The following PRKN variants were observed in gnomAD, a reference collection of about 807,000 sequenced individuals.
The protein encoded by PRKN is parkin RBR E3 ubiquitin protein ligase, also known as E3 ubiquitin-protein ligase parkin.
In PRKN, 56 loss-of-function variants were observed where a neutral mutation model predicts 59.5. That is an observed-to-expected ratio of 0.94 (90% CI 0.76 to 1.18). PRKN has a LOEUF of 1.18. PRKN is among the 50% of genes most tolerant of loss of function. PRKN has a pLI of 0.00. For missense variants in PRKN, 657 were observed against 596.4 expected (o/e 1.10, Z -1.06); for synonymous variants, 250 against 222.1 (o/e 1.13, Z -1.12).
chr6:161,574,077 T>C (rs1474056831), intron 7 of PRKN, among the ~76,000 whole-genome samples: 1 of 151,768 alleles, frequency 6.6e-6, no homozygotes, highest in Non-Finnish European at 1.5e-5. Flanking sequence ...CAAACAAGAC[T>C]AGACACAGCA....
chr6:161,770,548 A>T (rs1583137524), intron 7 of PRKN, among the ~76,000 whole-genome samples: 1 of 151,420 alleles, frequency 6.6e-6, no homozygotes, highest in Admixed American at 6.6e-5. Context: ...GCTCACTGTA[A>T]CCTCCGCTTC....
chr6:161,366,523 G>GC (rs1174881834), intron 10 of PRKN, among the ~76,000 whole-genome samples: 1 of 152,182 alleles, frequency 6.6e-6, no homozygotes, highest in African/African-American at 2.4e-5. Context: ...ACTAAGTATG[G>GC]CCTAAGAAGG....
At chr6:161,766,555 A>T (rs919829120) in intron 7 of PRKN, among the ~76,000 whole-genome samples, 1 of 151,852 alleles carries the variant, frequency 6.6e-6, no homozygotes, top group African/African-American at 2.4e-5. Context: ...TGATCCTCCC[A>T]CCTTTTTTGT....
At chr6:162,551,884 G>A (rs548013397) in intron 1 of PRKN, among the ~76,000 whole-genome samples, 4 of 152,304 alleles carry the variant, frequency 2.6e-5, no homozygotes, top group African/African-American at 9.6e-5. Flanking sequence ...GTGATGATGA[G>A]ACTTGGAGTC....
At chr6:161,678,806 A>G (rs896099436) in intron 7 of PRKN, among the ~76,000 whole-genome samples, 4 of 152,148 alleles carry the variant, frequency 2.6e-5, no homozygotes, top group African/African-American at 4.8e-5. Context: ...AGCTCAGGCA[A>G]TCCACGCACC....
At chr6:162,644,266 C>T (rs943411784) in intron 1 of PRKN, among the ~76,000 whole-genome samples, 2 of 152,158 alleles carry the variant, frequency 1.3e-5, no homozygotes, top group Non-Finnish European at 2.9e-5. Context: ...ACACCATCCT[C>T]CAGGCAGAGT....
At chr6:161,974,018 G>A (rs1406736068) in intron 5 of PRKN, among the ~76,000 whole-genome samples, 3 of 152,234 alleles carry the variant, frequency 2.0e-5, no homozygotes, top group Non-Finnish European at 4.4e-5. Context: ...TGTAATCCCA[G>A]CACTTTGGGA....
At chr6:162,450,603 GCTTT>G (rs1405806870) in intron 1 of PRKN, among the ~76,000 whole-genome samples, 1 of 152,136 alleles carries the variant, frequency 6.6e-6, no homozygotes, top group Non-Finnish European at 1.5e-5. Context: ...ATCTCTGTGG[GCTTT>G]CTCTCAAAAA....
intron 7 of PRKN, among the ~76,000 whole-genome samples, chr6:161,718,612 G>A (rs1241306931): frequency 1.3e-5 from 2 of 152,094 alleles, no homozygotes; most frequent in Admixed American, 6.5e-5. Flanking sequence ...TGGGCACCCC[G>A]AGAGAAACAG....
chr6:161,705,470 A>G (rs1786447814), intron 7 of PRKN, among the ~76,000 whole-genome samples: 1 of 152,196 alleles, frequency 6.6e-6, no homozygotes, highest in Non-Finnish European at 1.5e-5. Context: ...CACCATCATA[A>G]AGTCAAATAA....
chr6:162,112,352 A>G (rs1471608689), intron 4 of PRKN, among the ~76,000 whole-genome samples: 2 of 152,204 alleles, frequency 1.3e-5, no homozygotes, highest in Non-Finnish European at 2.9e-5. Flanking sequence ...TCATGTCTAT[A>G]CAATTACTAG....
intron 7 of PRKN, among the ~76,000 whole-genome samples, chr6:161,585,905 T>G (rs2128139289): frequency 1.3e-5 from 2 of 152,306 alleles, no homozygotes; most frequent in Admixed American, 1.3e-4. Flanking sequence ...AGTAACCTCT[T>G]ATGTATGTAT....
intron 9 of PRKN, among the ~76,000 whole-genome samples, chr6:161,542,846 G>A (rs1779663757): frequency 6.6e-6 from 1 of 151,988 alleles, no homozygotes; most frequent in Non-Finnish European, 1.5e-5. Flanking sequence ...TCTTTCTGAT[G>A]TCTCCCTGAA....
At chr6:161,744,650 A>T (rs1788338077) in intron 7 of PRKN, among the ~76,000 whole-genome samples, 1 of 152,236 alleles carries the variant, frequency 6.6e-6, no homozygotes, top group African/African-American at 2.4e-5. Context: ...AAGATCCCCC[A>T]GGCAGCATTG....
rs1294638282 is a variant in PRKN, at chr6:162,671,462, G to A, written c.7+56200C>T. 7.5e-5 allele frequency among the ~76,000 whole-genome samples: 11 copies of A among 146,754 alleles called. 1 individual carries two copies. The Admixed American group carries it at 7.7e-4, about 10-fold the overall frequency. The stretch of plus-strand genomic sequence containing the variant: ...TGCAGTGAGCCGAGATTGCGCCACT[G>A]CACTCCAGGCTGGCAATAGAGCGAG... On this transcript the variant is annotated intron_variant, in intron 1 of 11. Transcript: ENST00000366898.
chr6:162,579,603 TCACA>T (rs934010586), intron 1 of PRKN, among the ~76,000 whole-genome samples: 3 of 150,818 alleles, frequency 2.0e-5, no homozygotes, highest in Non-Finnish European at 3.0e-5. Flanking sequence ...GTGCACAGAT[TCACA>T]CACACAGATA....
At chr6:162,174,328 T>G (rs1341258524) in intron 4 of PRKN, among the ~76,000 whole-genome samples, 1 of 152,230 alleles carries the variant, frequency 6.6e-6, no homozygotes, top group Admixed American at 6.5e-5. Flanking sequence ...ATAAATAAAA[T>G]TTGCCCACAC....
At chr6:161,981,590 T>C (rs558716010) in intron 5 of PRKN, among the ~76,000 whole-genome samples, 1 of 152,242 alleles carries the variant, frequency 6.6e-6, no homozygotes, top group South Asian at 2.1e-4. Flanking sequence ...CTCTACCTAA[T>C]ACATAAAAAA....
chr6:161,738,048 A>T (rs1438482656), intron 7 of PRKN, among the ~76,000 whole-genome samples: 1 of 152,192 alleles, frequency 6.6e-6, no homozygotes, highest in Non-Finnish European at 1.5e-5. Context: ...CTTCAATATC[A>T]AATGTAGCAG....
Sources: allele counts gnomAD v4.1 joint callset (sites outside exome capture counted in the v4.1 genomes callset), GRCh38; gene constraint gnomAD v4.1.1; transcripts MANE v1.5; gene names NCBI Gene and HGNC (gene_info 2026-07-23, HGNC 2026-07-21).